ANO5: variants seen among roughly 807,000 people sequenced by gnomAD.
ANO5 encodes anoctamin 5, also known as anoctamin-5.
A neutral mutation model predicts 121.0 loss-of-function variants in ANO5; 109 were observed. The ratio of observed to expected loss-of-function variants is 0.90; its 90% CI spans 0.77 to 1.06. The LOEUF (loss-of-function observed/expected upper bound fraction) is 1.06. Among genes scored for constraint, ANO5 ranks in the 50% least tolerant of loss-of-function variants. The probability of loss-of-function intolerance (pLI) is 0.00; values close to 1 mark genes in which losing one functional copy is unlikely to be tolerated. For missense variants in ANO5, 1,064 were observed against 1,078.5 expected, an observed-to-expected ratio of 0.99 and a Z score of 0.19; for synonymous variants, 406 against 359.9, an observed-to-expected ratio of 1.13 and a Z score of -1.45.
intron 18 of ANO5, among the ~76,000 whole-genome samples, chr11:22,272,490 G>A (rs1194994779): frequency 6.6e-6 from 1 of 152,078 alleles, no homozygotes; most frequent in Non-Finnish European, 1.5e-5. Flanking sequence ...CCTAAGCTTA[G>A]CCCATAATAA....
chr11:22,216,444 A>G (rs531236773), intron 3 of ANO5, among the ~76,000 whole-genome samples: 1 of 151,952 alleles, frequency 6.6e-6, no homozygotes, highest in Admixed American at 6.6e-5. Flanking sequence ...TCTTTTTTAA[A>G]TAATGATGTT....
At chr11:22,203,891 A>G in intron 2 of ANO5, 41 bp downstream of exon 2, 1 of 1,320,028 alleles carries the variant, frequency 7.6e-7, no homozygotes, top group Non-Finnish European at 1.1e-6. Flanking sequence ...TATAAGTCAG[A>G]ATAAAAAATC....
At position 22,227,251 on chromosome 11, in the gene ANO5, TAAC is replaced by T; in HGVS notation, c.364-48_364-46del. ...TATCCATCTTATTTAATCAGCTCAA[TAAC>T]AAACTGATCAGTAAGCTTTCTGCTG... On this transcript the variant is annotated intron_variant, in intron 6 of 21. Transcript: ENST00000324559. 2.5e-6 allele frequency: 4 copies of T among 1,599,902 alleles called. 1 individual carries two copies. The South Asian group carries it at 4.4e-5, about 18-fold the overall frequency.
chr11:22,235,681 CA>C (rs1853190652), intron 7 of ANO5, among the ~76,000 whole-genome samples: 1 of 152,114 alleles, frequency 6.6e-6, no homozygotes, highest in African/African-American at 2.4e-5. Context: ...CAAGTTGTTG[CA>C]AAGTGGCTGT....
chr11:22,262,122 T>C lies in ANO5; in HGVS notation c.1631-7T>C. On this transcript the variant is annotated splice_region_variant and splice_polypyrimidine_tract_variant and intron_variant, in intron 15 of 21. Transcript: ENST00000324559. Reference sequence around the variant, plus strand: ...GATGCACTAAACATTTTTTTTTAACTTAACAGAAATTCCTCGAACATACCA... The same window carrying C: ...GATGCACTAAACATTTTTTTTTAACCTAACAGAAATTCCTCGAACATACCA... The C allele has an allele frequency of 6.2e-7, 1 of 1,613,344 alleles. No individual in the cohort carries two copies. The highest frequency in any genetic ancestry group is 1.1e-5 in the South Asian group (1 of 91,036).
rs1483939976 is a variant in ANO5 at position 22,282,378 on chromosome 11, T to C, written c.*2613T>C. ...TTAGAGGAATCCATTAAGAAAGGATTGTTTTACTTAAATGAAATGCTGTCT... is the reference window on the plus strand; with the variant it reads ...TTAGAGGAATCCATTAAGAAAGGATCGTTTTACTTAAATGAAATGCTGTCT... On this transcript the variant is annotated 3_prime_UTR_variant, in exon 22 of 22. Coordinates refer to ENST00000324559, the MANE Select transcript of ANO5 (RefSeq NM_213599.3). 1 of 152,212 alleles carries C rather than the reference T, an allele frequency of 6.6e-6. No individual in the cohort carries two copies. Among genetic ancestry groups the C allele is most frequent in the Non-Finnish European group, 1.5e-5 (1 of 68,024 alleles). The allele number at this position is 152,212 out of a possible 1,614,324, so 9.4% of individuals were successfully genotyped here.
chr11:22,208,671 C>A (rs1386661919), intron 2 of ANO5, among the ~76,000 whole-genome samples: 3 of 151,910 alleles, frequency 2.0e-5, no homozygotes, highest in African/African-American at 7.2e-5. Flanking sequence ...ACATTGTACT[C>A]ATGTCAGCTT....
chr11:22,195,098 T>C (rs1026075693), intron 1 of ANO5, among the ~76,000 whole-genome samples: 2 of 152,210 alleles, frequency 1.3e-5, no homozygotes, highest in African/African-American at 2.4e-5. Context: ...ACACTTGTTA[T>C]TGTCTTTTTT....
chr11:22,273,698 T>A (rs1466824635), intron 19 of ANO5, among the ~76,000 whole-genome samples: 1 of 151,834 alleles, frequency 6.6e-6, no homozygotes, highest in Non-Finnish European at 1.5e-5. Flanking sequence ...TCAGAAATAA[T>A]CAAATTAGAA....
intron 7 of ANO5, among the ~76,000 whole-genome samples, chr11:22,229,415 T>G (rs773565671): frequency 1.8e-4 from 27 of 151,948 alleles, no homozygotes; most frequent in Non-Finnish European, 3.5e-4. Flanking sequence ...TTCTTCCTTT[T>G]TTTTTAACCA....
upstream of ANO5, among the ~76,000 whole-genome samples, chr11:22,192,795 G>A (rs1178272791): frequency 6.6e-6 from 1 of 152,328 alleles, no homozygotes; most frequent in East Asian, 1.9e-4. Flanking sequence ...GACGTGCGAA[G>A]CCTGTACAGA....
At chr11:22,278,598 A>G (rs1337773485) in intron 21 of ANO5, among the ~76,000 whole-genome samples, 1 of 146,970 alleles carries the variant, frequency 6.8e-6, no homozygotes, top group African/African-American at 2.5e-5. Context: ...CATGTTTAAG[A>G]GTGTGGAAGT....
chr11:22,282,969 G>A lies in ANO5; in HGVS notation c.*3204G>A, dbSNP rs529752994. The A allele has an allele frequency of 2.6e-5, 4 of 152,186 alleles. No individual in the cohort carries two copies. Among genetic ancestry groups the A allele is most frequent in the Admixed American group, 2.6e-4 (4 of 15,276 alleles). The allele number at this position is 152,186 out of a possible 1,614,324, so 9.4% of individuals were successfully genotyped here. A position where few individuals can be genotyped will look rare whatever the true frequency, so the allele number is the denominator to read the frequency against. ...CTTACAAGTCAGCCACAATGAGTCGGTATAACTACTGTGTTATTCTTTTTC... is the reference window on the plus strand; with the variant it reads ...CTTACAAGTCAGCCACAATGAGTCGATATAACTACTGTGTTATTCTTTTTC... On this transcript the variant is annotated 3_prime_UTR_variant, in exon 22 of 22. Coordinates refer to ENST00000324559, the MANE Select transcript of ANO5 (RefSeq NM_213599.3).
At chr11:22,235,285 C>T (rs1433375193) in intron 7 of ANO5, among the ~76,000 whole-genome samples, 1 of 151,498 alleles carries the variant, frequency 6.6e-6, no homozygotes, top group Admixed American at 6.6e-5. Flanking sequence ...TGAATCTTTC[C>T]TAAGGAAATA....
Position 22,227,561 on chromosome 11 carries a change from T to C in ANO5, c.623T>C (p.Phe208Ser). The change falls in exon 7 of 22, where the codon TTT (phenylalanine) becomes TCT (serine). Residue 208 changes from phenylalanine to serine, a missense_variant. Physicochemically the swap from Phe to Ser is radical, Grantham distance 155. Transcript: ENST00000324559. ...CTCATCGAAGATCAGGCAACCTTCT[T>C]TCCATCCTCATCAAGAAACAGAATT... ...LFLIEDQATF[F>S]PSSSRNRIVY... 2 of 1,613,450 alleles carry C rather than the reference T, an allele frequency of 1.2e-6. No homozygotes were observed. Among genetic ancestry groups the C allele is most frequent in the Non-Finnish European group, 1.7e-6 (2 of 1,179,662 alleles).
intron 5 of ANO5, 118 bp downstream of exon 5, chr11:22,221,328 C>A: frequency 1.2e-6 from 1 of 849,894 alleles, no homozygotes; most frequent in Non-Finnish European, 1.9e-6. Context: ...TTACTGAAAA[C>A]TGAAACTGAA....
rs1259895415 is a variant in ANO5 at position 22,279,903 on chromosome 11, T to C, written c.*138T>C. 3 of 746,926 alleles carry C rather than the reference T, an allele frequency of 4.0e-6. No homozygotes were observed. The highest frequency in any genetic ancestry group is 6.4e-6 in the Non-Finnish European group (3 of 465,448). The allele number at this position is 746,926 out of a possible 1,614,324, so 46.3% of individuals were successfully genotyped here. A position where few individuals can be genotyped will look rare whatever the true frequency, so the allele number is the denominator to read the frequency against. ...TCTTTTTTTTTTTAAACTCAAAGTT[T>C]TTATACACTTTTATAGAGGCCAACT... is the stretch of plus-strand genomic sequence containing the variant. On this transcript the variant is annotated 3_prime_UTR_variant, in exon 22 of 22. Coordinates refer to ENST00000324559, the MANE Select transcript of ANO5 (RefSeq NM_213599.3).
In ANO5 at chr11:22,236,153, T is replaced by C; in HGVS notation, c.649-10T>C. ...AGATGTGATAGTGTCTCTTTGCACT[T>C]ACCTTGTAGGTGTACTATATTCTCT... On this transcript the variant is annotated splice_polypyrimidine_tract_variant and intron_variant, in intron 7 of 21. Transcript: ENST00000324559. 6.4e-7 allele frequency: 1 copy of C among 1,568,756 alleles called. No individual in the cohort carries two copies. Among genetic ancestry groups the C allele is most frequent in the Non-Finnish European group, 8.8e-7 (1 of 1,139,222 alleles).
chr11:22,270,245 A>C, intron 17 of ANO5, 67 bp from the exon 18 acceptor site: 1 of 1,580,782 alleles, frequency 6.3e-7, no homozygotes, highest in Non-Finnish European at 8.7e-7. Flanking sequence ...CAGATCTAAC[A>C]CTCTGATTCT....
Sources: allele counts gnomAD v4.1 joint callset (sites outside exome capture counted in the v4.1 genomes callset), GRCh38; gene constraint gnomAD v4.1.1; transcripts MANE v1.5; gene names NCBI Gene and HGNC (gene_info 2026-07-23, HGNC 2026-07-21).